The following HM13 variants were observed in gnomAD, a reference collection of about 807,000 sequenced individuals.
HM13 encodes the protein signal peptide peptidase.
HM13 carries 18 observed loss-of-function variants against 50.0 expected under a neutral mutation model. The observed-to-expected ratio is 0.36, with a 90% CI of 0.25 to 0.53. HM13 has a LOEUF of 0.53. Ranked by LOEUF, HM13 falls within the 20% of genes least tolerant of loss-of-function variation. HM13 has a pLI of 0.90. For synonymous variants in HM13, 197 were observed against 232.6 expected, an observed-to-expected ratio of 0.85 and a Z score of 1.39; for missense variants, 393 against 552.4, an observed-to-expected ratio of 0.71 and a Z score of 2.89.
At chr20:31,556,189 C>T (rs977155849) in intron 8 of HM13, among the ~76,000 whole-genome samples, 5 of 151,624 alleles carry the variant, frequency 3.3e-5, no homozygotes, top group African/African-American at 1.2e-4. Flanking sequence ...TAGGCATGCA[C>T]CACCACGCCC....
chr20:31,547,910 C>T, intron 4 of HM13: 3 of 1,163,080 alleles, frequency 2.6e-6, no homozygotes, highest in Non-Finnish European at 3.9e-6. Context: ...GCAGTCACAG[C>T]GGAAGGAAAA....
At chr20:31,562,798 C>T (rs1161866329) in intron 10 of HM13, 1 of 152,202 alleles carries the variant, frequency 6.6e-6, no homozygotes, top group African/African-American at 2.4e-5. Flanking sequence ...ATTAGAAAAA[C>T]CAAGAACAAC....
chr20:31,561,836 C>G, intron 10 of HM13, 100 bp downstream of exon 10: 1 of 808,140 alleles, frequency 1.2e-6, no homozygotes. Context: ...GAGATAGGCA[C>G]TCCCCACTGG....
At chr20:31,550,857 T>C (rs1351696441) in intron 7 of HM13, among the ~76,000 whole-genome samples, 3 of 152,102 alleles carry the variant, frequency 2.0e-5, no homozygotes, top group African/African-American at 7.2e-5. Flanking sequence ...ACATCTGTAG[T>C]CCTAGCTACT....
chr20:31,544,512 G>T (rs551414437), intron 3 of HM13, among the ~76,000 whole-genome samples: 1 of 152,178 alleles, frequency 6.6e-6, no homozygotes, highest in African/African-American at 2.4e-5. Flanking sequence ...GGAGTGGGGT[G>T]GGGGTGACTG....
Position 31,569,100 on chromosome 20 carries a change from G to T in HM13, c.1182-20G>T, listed in dbSNP as rs866274782. On this transcript the variant is annotated intron_variant, in intron 12 of 12. Coordinates refer to ENST00000398174, the MANE Select transcript of HM13 (RefSeq NM_178581.3). Reference sequence around the variant, plus strand: ...CTCCTCTAAATGAATTTTTATTGTTGTTTTTTTTTTTTTGGTCAGTTATGA... The same window carrying T: ...CTCCTCTAAATGAATTTTTATTGTTTTTTTTTTTTTTTTGGTCAGTTATGA... The T allele has an allele frequency of 5.6e-5, 67 of 1,190,744 alleles. No homozygotes were observed. The Middle Eastern group carries it at 7.4e-4, about 13-fold the overall frequency. 73.8% of individuals were successfully genotyped at this position (1,190,744 alleles called of 1,614,324 possible).
intron 11 of HM13, among the ~76,000 whole-genome samples, chr20:31,567,039 C>T (rs1984961429): frequency 6.6e-6 from 1 of 152,162 alleles, no homozygotes; most frequent in South Asian, 2.1e-4. Context: ...TTGCCAGGGC[C>T]TCCTGTGCAC....
At chr20:31,533,082 C>T (rs1600632113) in intron 2 of HM13, among the ~76,000 whole-genome samples, 2 of 152,310 alleles carry the variant, frequency 1.3e-5, no homozygotes, top group East Asian at 1.9e-4. Flanking sequence ...CTCCTGGCCT[C>T]CCCCCTGACA....
In HM13 at chr20:31,569,266, G is replaced by A. The variant is rs1378096964; in HGVS notation, c.*47G>A. 2 of 1,335,080 alleles carry A rather than the reference G, an allele frequency of 1.5e-6. No individual in the cohort carries two copies. The highest frequency in any genetic ancestry group is 2.1e-6 in the Non-Finnish European group (2 of 950,602). 82.7% of individuals were successfully genotyped at this position (1,335,080 alleles called of 1,614,324 possible). A position where few individuals can be genotyped will look rare whatever the true frequency, so the allele number is the denominator to read the frequency against. On this transcript the variant is annotated 3_prime_UTR_variant, in exon 13 of 13. Transcript: ENST00000398174. ...TCAGGGCCAGACCAGACAGATGGGG[G>A]CTGGGCCCACACAGGCGTGCACCGG...
chr20:31,559,160 C>T (rs1036472281), intron 8 of HM13, among the ~76,000 whole-genome samples: 1 of 152,216 alleles, frequency 6.6e-6, no homozygotes, highest in Non-Finnish European at 1.5e-5. Flanking sequence ...TCGTGATCCA[C>T]CCACCTCTGC....
chr20:31,519,392 C>T (rs1982009936), intron 1 of HM13, among the ~76,000 whole-genome samples: 1 of 152,128 alleles, frequency 6.6e-6, no homozygotes, highest in African/African-American at 2.4e-5. Context: ...TGAGCCACCA[C>T]GCCTGGCCAG....
At chr20:31,568,945 A>G (rs1055909775) in intron 12 of HM13, among the ~76,000 whole-genome samples, 175 bp from the exon 13 acceptor site, 3 of 152,164 alleles carry the variant, frequency 2.0e-5, no homozygotes, top group Admixed American at 6.5e-5. Flanking sequence ...TGAGGAGGGC[A>G]TGTGGTAGGG....
At chr20:31,566,811 T>C (rs1226149788) in intron 11 of HM13, among the ~76,000 whole-genome samples, 2 of 151,906 alleles carry the variant, frequency 1.3e-5, no homozygotes, top group Non-Finnish European at 2.9e-5. Flanking sequence ...CTCACACAGA[T>C]ACCCCTTCCC....
intron 2 of HM13, among the ~76,000 whole-genome samples, chr20:31,532,096 A>T (rs1982851725): frequency 6.7e-6 from 1 of 148,346 alleles, no homozygotes; most frequent in African/African-American, 2.5e-5. Flanking sequence ...CTATTCACAG[A>T]TTTTTTTTTT....
In HM13 at chr20:31,554,405, G is replaced by A. The variant is rs59708905; in HGVS notation, c.725-341G>A. ...AAAAAAAAAAAATACAAAGTAGGCC[G>A]GGAGCGGTGGCTCACGCCTGTAACT... On this transcript the variant is annotated intron_variant, in intron 7 of 12. Coordinates refer to ENST00000398174, the MANE Select transcript of HM13 (RefSeq NM_178581.3). Among the ~76,000 whole-genome samples, 1,417 of 151,598 alleles carry A rather than the reference G, an allele frequency of 9.3e-3. 18 individuals carry two copies. The highest frequency in any genetic ancestry group is 0.032 in the African/African-American group (1,330 of 41,144).
In HM13 at chr20:31,569,126, G is replaced by A; in HGVS notation, c.1188G>A (p.Glu396=). 6.4e-7 allele frequency: 1 copy of A among 1,555,378 alleles called. No homozygotes were observed. Among genetic ancestry groups the A allele is most frequent in the East Asian group, 2.3e-5 (1 of 42,652 alleles). Residue 396 remains glutamate (E), a synonymous_variant, in exon 13 of 13, where the codon GAG becomes GAA. Transcript: ENST00000398174. ...RRPQNPSAIY[E]ESNPKDPAAV... ...TTTTTTTTTTTTTGGTCAGTTATGA[G>A]GAGTCAAATCCTAAGGATCCAGCGG...
intron 10 of HM13, among the ~76,000 whole-genome samples, chr20:31,564,450 A>G (rs761618041): frequency 1.3e-5 from 2 of 152,026 alleles, no homozygotes; most frequent in Non-Finnish European, 2.9e-5. Flanking sequence ...GGAGGCGCAC[A>G]CCTGTAGGCC....
At chr20:31,564,857 AAAAAAAAAAG>A (rs1204654304) in intron 10 of HM13, among the ~76,000 whole-genome samples, 2 of 151,326 alleles carry the variant, frequency 1.3e-5, no homozygotes, top group Non-Finnish European at 2.9e-5. Context: ...ATCACAAAAA[AAAAAAAAAAG>A]AAAAGAAAAG....
intron 2 of HM13, among the ~76,000 whole-genome samples, chr20:31,537,694 G>T (rs1339010025): frequency 1.3e-5 from 2 of 152,222 alleles, no homozygotes; most frequent in African/African-American, 4.8e-5. Context: ...TGCAGGAGGA[G>T]TCATCACAAA....
Sources: allele counts gnomAD v4.1 joint callset (sites outside exome capture counted in the v4.1 genomes callset), GRCh38; gene constraint gnomAD v4.1.1; transcripts MANE v1.5; gene names NCBI Gene and HGNC (gene_info 2026-07-23, HGNC 2026-07-21).